The following TOX2 variants were observed in gnomAD, a reference collection of about 807,000 sequenced individuals.
TOX2 encodes the protein TOX high mobility group box family member 2, also known as granulosa cell HMG box 1.
A neutral mutation model predicts 47.4 loss-of-function variants in TOX2; 15 were observed. The ratio of observed to expected loss-of-function variants is 0.32; its 90% CI spans 0.21 to 0.49. TOX2 has a LOEUF of 0.49. Ranked by LOEUF, TOX2 falls within the 20% of genes least tolerant of loss-of-function variation. The pLI, the probability that TOX2 is intolerant of heterozygous loss-of-function variation, is 0.99. For missense variants in TOX2, 622 were observed against 673.1 expected (o/e 0.92, Z 0.84); for synonymous variants, 290 against 296.6 (o/e 0.98, Z 0.23).
At chr20:43,947,243 T>G (rs575863924) in intron 1 of TOX2, among the ~76,000 whole-genome samples, 2 of 152,256 alleles carry the variant, frequency 1.3e-5, no homozygotes, top group Admixed American at 1.3e-4. Context: ...TTCCTTGAGC[T>G]TTCTGTCTCT....
intron 3 of TOX2, chr20:44,038,904 C>T: frequency 8.6e-7 from 1 of 1,169,242 alleles, no homozygotes. Context: ...CTATTAAGCT[C>T]TGCGATCCTA....
At position 44,069,023 on chromosome 20, in the gene TOX2, CT is replaced by C; in HGVS notation, c.*338del. On this transcript the variant is annotated 3_prime_UTR_variant, in exon 9 of 9. Coordinates refer to ENST00000341197, the MANE Select transcript of TOX2 (RefSeq NM_001098797.2). ...CAGCCCCAGCCCAGGTGGGCCGCCC[CT>C]GGCGGGGTCGCTTACCAACGGACAC... is the stretch of plus-strand genomic sequence containing the variant. 4.4e-6 allele frequency: 2 copies of C among 449,478 alleles called. No homozygotes were observed. The highest frequency in any genetic ancestry group is 8.6e-6 in the Non-Finnish European group (2 of 233,398). 27.8% of individuals were successfully genotyped at this position (449,478 alleles called of 1,614,324 possible).
chr20:44,053,542 ATATATATACATATATAC>A (rs1193847255), intron 4 of TOX2, among the ~76,000 whole-genome samples: 1 of 51,472 alleles, frequency 1.9e-5, no homozygotes, highest in Admixed American at 2.2e-4. Flanking sequence ...CATATATACT[ATATATATACATATATAC>A]TATATATACA....
intron 1 of TOX2, among the ~76,000 whole-genome samples, chr20:43,953,869 T>A (rs1257989680): frequency 6.6e-6 from 1 of 152,148 alleles, no homozygotes; most frequent in Non-Finnish European, 1.5e-5. Context: ...AAGACTGTCT[T>A]TGTCCTCCCA....
At chr20:44,049,698 C>T (rs6031326) in intron 3 of TOX2, among the ~76,000 whole-genome samples, 115,585 of 152,070 alleles carry the variant, frequency 0.76, 44,138 homozygotes, top group Middle Eastern at 0.85. Flanking sequence ...TGTGTCTAAG[C>T]GTTCACATTG....
intron 2 of TOX2, among the ~76,000 whole-genome samples, chr20:43,996,073 C>A (rs2070472986): frequency 6.6e-6 from 1 of 152,092 alleles, no homozygotes; most frequent in South Asian, 2.1e-4. Flanking sequence ...GCTTTTTGTT[C>A]TTTGAGTGAT....
At chr20:43,923,503 A>G (rs1033005143) in intron 1 of TOX2, among the ~76,000 whole-genome samples, 1 of 152,196 alleles carries the variant, frequency 6.6e-6, no homozygotes, top group African/African-American at 2.4e-5. Context: ...AGTTAGCACT[A>G]CTAGCAAGTC....
chr20:43,965,775 G>A (rs533866305), intron 1 of TOX2, among the ~76,000 whole-genome samples: 2 of 152,194 alleles, frequency 1.3e-5, no homozygotes, highest in African/African-American at 2.4e-5. Flanking sequence ...ATGGGTAGAA[G>A]ACATGGGAGG....
At chr20:43,967,491 G>GGCATCTATCCAC (rs1215583785) in intron 1 of TOX2, among the ~76,000 whole-genome samples, 1 of 151,986 alleles carries the variant, frequency 6.6e-6, no homozygotes, top group East Asian at 1.9e-4. Flanking sequence ...CACACGTCCA[G>GGCATCTATCCAC]GCATCTATCC....
At chr20:44,014,627 T>C (rs1429051062) in intron 3 of TOX2, among the ~76,000 whole-genome samples, 1 of 152,216 alleles carries the variant, frequency 6.6e-6, no homozygotes, top group Admixed American at 6.5e-5. Context: ...AGTTTCTTCA[T>C]CTGTAAATGG....
chr20:44,023,207 T>A (rs1273118614), intron 3 of TOX2, among the ~76,000 whole-genome samples: 1 of 151,742 alleles, frequency 6.6e-6, no homozygotes, highest in Non-Finnish European at 1.5e-5. Flanking sequence ...GGCGAGCAGA[T>A]CACCTGAGGT....
intron 3 of TOX2, among the ~76,000 whole-genome samples, chr20:44,042,462 ACT>A (rs1555845181): frequency 6.6e-6 from 1 of 152,200 alleles, no homozygotes; most frequent in Non-Finnish European, 1.5e-5. Context: ...TTCTCCCAAA[ACT>A]CCAAGGGAGA....
At chr20:43,928,981 G>GAAAAA (rs575418660) in intron 1 of TOX2, among the ~76,000 whole-genome samples, 1,510 of 86,036 alleles carry the variant, frequency 0.018, 21 homozygotes, top group African/African-American at 0.028. Flanking sequence ...CTAAAAATAT[G>GAAAAA]AAAAAAAAAA....
At chr20:43,968,010 G>A (rs1014982293) in intron 1 of TOX2, among the ~76,000 whole-genome samples, 1 of 151,970 alleles carries the variant, frequency 6.6e-6, no homozygotes, top group African/African-American at 2.4e-5. Flanking sequence ...TACATATGTG[G>A]GTCACATTTG....
intron 3 of TOX2, among the ~76,000 whole-genome samples, chr20:44,008,239 C>T (rs141555300): frequency 9.9e-5 from 15 of 152,120 alleles, no homozygotes; most frequent in African/African-American, 3.4e-4. Context: ...TCCTGAATCC[C>T]ATTCTAAGGA....
At chr20:44,039,615 G>T (rs1033976457) in intron 3 of TOX2, among the ~76,000 whole-genome samples, 3 of 152,230 alleles carry the variant, frequency 2.0e-5, no homozygotes, top group Non-Finnish European at 4.4e-5. Flanking sequence ...AGGGAAAAAG[G>T]CAAGTGAGAT....
intron 8 of TOX2, 102 bp from the exon 9 acceptor site, chr20:44,068,548 G>A: frequency 2.2e-6 from 3 of 1,347,502 alleles, no homozygotes; most frequent in Non-Finnish European, 3.0e-6. Context: ...AGGGGCAGCT[G>A]AATCCAGGGG....
At chr20:43,949,829 A>G (rs2069529777) in intron 1 of TOX2, among the ~76,000 whole-genome samples, 1 of 152,076 alleles carries the variant, frequency 6.6e-6, no homozygotes, top group Non-Finnish European at 1.5e-5. Context: ...CAGTGCTGTG[A>G]TGCTCTGGGA....
chr20:43,929,342 A>G (rs889282557), intron 1 of TOX2, among the ~76,000 whole-genome samples: 1 of 152,106 alleles, frequency 6.6e-6, no homozygotes, highest in African/African-American at 2.4e-5. Context: ...TTTGGCCCAT[A>G]AGTCCTCACG....
Sources: allele counts gnomAD v4.1 joint callset (sites outside exome capture counted in the v4.1 genomes callset), GRCh38; gene constraint gnomAD v4.1.1; transcripts MANE v1.5; gene names NCBI Gene and HGNC (gene_info 2026-07-23, HGNC 2026-07-21).